LTBP2: variants seen among roughly 807,000 people sequenced by gnomAD.
LTBP2 encodes the protein latent-transforming growth factor beta-binding protein 2.
LTBP2 carries 103 observed loss-of-function variants against 210.6 expected under a neutral mutation model. The observed-to-expected ratio is 0.49, with a 90% confidence interval of 0.42 to 0.58. The LOEUF (loss-of-function observed/expected upper bound fraction) is 0.58, where lower values mean the gene tolerates loss of function less well. LTBP2 is among the 20% of genes least tolerant of loss of function. The pLI, the probability that LTBP2 is intolerant of heterozygous loss-of-function variation, is 0.00. For synonymous variants in LTBP2, 1,007 were observed against 1,015.0 expected (o/e 0.99, Z 0.15); for missense variants, 2,313 against 2,494.5 (o/e 0.93, Z 1.55).
chr14:74,511,450 CTTTGGTTGGGG>C, intron 18 of LTBP2, 86 bp from the exon 19 acceptor site: 1 of 1,571,186 alleles, frequency 6.4e-7, no homozygotes, highest in Non-Finnish European at 8.7e-7. Flanking sequence ...TTGTCCCTGC[CTTTGGTTGGGG>C]AGAGGGATGG....
intron 3 of LTBP2, among the ~76,000 whole-genome samples, chr14:74,576,214 C>T (rs3825709): frequency 0.065 from 9,920 of 152,236 alleles, 350 homozygotes; most frequent in Middle Eastern, 0.11. Context: ...GGGGATGGCC[C>T]GAGCATCAGC....
chr14:74,529,971 G>A (rs2087329501), intron 10 of LTBP2, among the ~76,000 whole-genome samples: 1 of 152,128 alleles, frequency 6.6e-6, no homozygotes, highest in Non-Finnish European at 1.5e-5. Flanking sequence ...TCAGGCCCAG[G>A]ACGCAGCAGA....
intron 8 of LTBP2, among the ~76,000 whole-genome samples, chr14:74,546,454 G>GCC (rs1400412716): frequency 1.3e-5 from 2 of 152,192 alleles, no homozygotes; most frequent in African/African-American, 4.8e-5. Context: ...CCAACGTCTT[G>GCC]CCCCTTCTCT....
chr14:74,543,208 C>A (rs1202999798), intron 8 of LTBP2, among the ~76,000 whole-genome samples: 2 of 151,874 alleles, frequency 1.3e-5, no homozygotes, highest in South Asian at 2.1e-4. Flanking sequence ...GAAACTCCGT[C>A]TCTCCTAAAA....
chr14:74,525,409 C>G (rs947637721), intron 14 of LTBP2, among the ~76,000 whole-genome samples, 184 bp from the exon 15 acceptor site: 1 of 152,200 alleles, frequency 6.6e-6, no homozygotes, highest in Non-Finnish European at 1.5e-5. Context: ...CTCTAACAGG[C>G]GTTGGAGCAC....
At chr14:74,540,536 C>T (rs554861676) in intron 8 of LTBP2, among the ~76,000 whole-genome samples, 16 of 150,750 alleles carry the variant, frequency 1.1e-4, no homozygotes, top group African/African-American at 2.9e-4. Flanking sequence ...GAGGCCGAGG[C>T]GGGCGGATCA....
At chr14:74,597,416 T>C (rs1295128994) in intron 2 of LTBP2, among the ~76,000 whole-genome samples, 1 of 152,114 alleles carries the variant, frequency 6.6e-6, no homozygotes, top group Non-Finnish European at 1.5e-5. Flanking sequence ...TGAAGGAGAC[T>C]GAGAAGAGGC....
intron 2 of LTBP2, among the ~76,000 whole-genome samples, chr14:74,595,476 G>A (rs2088347392): frequency 6.6e-6 from 1 of 152,208 alleles, no homozygotes; most frequent in Non-Finnish European, 1.5e-5. Flanking sequence ...AGTGCCAGAG[G>A]GGCCCCAGAG....
rs1225724654 is a variant in LTBP2 at position 74,508,736 on chromosome 14, G to A, written c.3527-7C>T. Reference sequence around the variant, plus strand: ...CCCATGCACTCATTCACATCTGCAGGGAAAAGATGGGGAGTGGGTGTCTGC... The same window carrying A: ...CCCATGCACTCATTCACATCTGCAGAGAAAAGATGGGGAGTGGGTGTCTGC... On this transcript the variant is annotated splice_polypyrimidine_tract_variant and splice_region_variant and intron_variant, in intron 23 of 35. Coordinates refer to ENST00000261978, the MANE Select transcript of LTBP2 (RefSeq NM_000428.3). 1 of 1,613,488 alleles carries A rather than the reference G, an allele frequency of 6.2e-7. No individual in the cohort carries two copies. Among genetic ancestry groups the A allele is most frequent in the East Asian group, 2.2e-5 (1 of 44,868 alleles).
chr14:74,564,328 TA>T (rs1452178998), intron 3 of LTBP2, among the ~76,000 whole-genome samples: 10 of 19,648 alleles, frequency 5.1e-4, no homozygotes, highest in African/African-American at 1.1e-3. Context: ...TTTATATATA[TA>T]TTTATATATA....
Position 74,499,363 on chromosome 14 carries a change from A to C in LTBP2, c.*1521T>G, listed in dbSNP as rs567860502. ...GTTTCCTCACCTGTAAATTGAGAAT[A>C]AACAATAGTAAGTAGGATTATTGGA... is the stretch of plus-strand genomic sequence containing the variant. On this transcript the variant is annotated 3_prime_UTR_variant, in exon 36 of 36. Coordinates refer to ENST00000261978, the MANE Select transcript of LTBP2 (RefSeq NM_000428.3). The C allele has an allele frequency of 1.3e-5, 3 of 222,918 alleles. No homozygotes were observed. In the South Asian group the frequency reaches 5.5e-4, roughly 41 times the overall value. 13.8% of individuals were successfully genotyped at this position (222,918 alleles called of 1,614,324 possible).
intron 3 of LTBP2, among the ~76,000 whole-genome samples, chr14:74,561,265 C>T (rs2087790166): frequency 2.0e-5 from 3 of 152,074 alleles, no homozygotes; most frequent in Admixed American, 2.0e-4. Flanking sequence ...TTGCAGTGAG[C>T]CGAGATCACG....
At chr14:74,604,606 C>T (rs1391315130) in intron 1 of LTBP2, among the ~76,000 whole-genome samples, 3 of 148,902 alleles carry the variant, frequency 2.0e-5, no homozygotes, top group South Asian at 2.1e-4. Flanking sequence ...AGTGCAATGT[C>T]GTGATCTCGG....
At chr14:74,538,868 G>A (rs967665026) in intron 8 of LTBP2, among the ~76,000 whole-genome samples, 12 of 152,248 alleles carry the variant, frequency 7.9e-5, no homozygotes, top group South Asian at 2.1e-4. Flanking sequence ...TTCTGAAAAC[G>A]CTGAGAAGGA....
chr14:74,520,910 TAC>T (rs1445607421), intron 17 of LTBP2, among the ~76,000 whole-genome samples: 1 of 152,258 alleles, frequency 6.6e-6, no homozygotes, highest in Non-Finnish European at 1.5e-5. Flanking sequence ...ATCTGGATCC[TAC>T]AGTGTCACCA....
intron 6 of LTBP2, 76 bp from the exon 7 acceptor site, chr14:74,551,426 C>T: frequency 7.1e-7 from 1 of 1,403,854 alleles, no homozygotes; most frequent in African/African-American, 1.4e-5. Context: ...AGGGTATCCA[C>T]CACCCCTGGG....
intron 3 of LTBP2, among the ~76,000 whole-genome samples, chr14:74,556,197 T>A (rs2087726544): frequency 6.6e-6 from 1 of 152,212 alleles, no homozygotes; most frequent in South Asian, 2.1e-4. Flanking sequence ...AGTCTCCCTC[T>A]CATTGATTTT....
In LTBP2 at chr14:74,586,069, C is replaced by G. The variant is rs993270930; in HGVS notation, c.615G>C (p.Gln205His). The change falls in exon 3 of 36, where the codon CAG (glutamine) becomes CAC (histidine). Residue 205 changes from glutamine to histidine, a missense_variant. This residue lies in a region of LTBP2 where 1,867 missense variants were observed against 1,976.9 expected (regional missense o/e 0.94). Coordinates refer to ENST00000261978, the MANE Select transcript of LTBP2 (RefSeq NM_000428.3). This position sits in a 1 kb window ranked among gnomAD's most constrained non-coding sequence, Gnocchi z 4.6. ...GGAAACCAGAGCGGCAGACACAGAG[C>G]TGCGGGCGGCTGCAGGAGCCCCGGT... ...CQNRGSCSRP[Q>H]LCVCRSGFRG... 1.3e-6 allele frequency: 2 copies of G among 1,599,692 alleles called. No homozygotes were observed. Among genetic ancestry groups the G allele is most frequent in the Non-Finnish European group, 1.7e-6 (2 of 1,173,748 alleles).
chr14:74,596,555 G>A (rs2088367600), intron 2 of LTBP2, among the ~76,000 whole-genome samples: 1 of 152,234 alleles, frequency 6.6e-6, no homozygotes, highest in Admixed American at 6.5e-5. Context: ...TGCCGCTGCA[G>A]GAAGTTTCAG....
Sources: gnomAD v4.1 joint callset for allele counts (sites outside exome capture counted in the v4.1 genomes callset) on GRCh38, gnomAD v4.1.1 for gene constraint, gnomAD v4.1.1 regional missense constraint, Gnocchi (gnomAD v3.1) non-coding constraint, MANE v1.5 for transcripts, NCBI Gene and HGNC (gene_info 2026-07-23, HGNC 2026-07-21) for gene names.